Variants in THSD7B observed in about 807,000 individuals in gnomAD.
THSD7B encodes thrombospondin type 1 domain containing 7B, also known as thrombospondin type-1 domain-containing protein 7B.
In THSD7B, 138 loss-of-function variants were observed where a neutral mutation model predicts 213.6. The ratio of observed to expected loss-of-function variants is 0.65; its 90% CI spans 0.56 to 0.74. The LOEUF (loss-of-function observed/expected upper bound fraction) is 0.74. Ranked by LOEUF, THSD7B falls within the 30% of genes least tolerant of loss-of-function variation. The probability of loss-of-function intolerance (pLI) is 0.00; values close to 1 mark genes in which losing one functional copy is unlikely to be tolerated. For synonymous variants in THSD7B, 742 were observed against 687.0 expected (o/e 1.08, Z -1.25); for missense variants, 1,931 against 1,991.5 (o/e 0.97, Z 0.58).
intron 7 of THSD7B, among the ~76,000 whole-genome samples, chr2:137,189,882 A>T (rs182469406): frequency 1.3e-5 from 2 of 152,060 alleles, no homozygotes; most frequent in Non-Finnish European, 2.9e-5. Context: ...GCTCCTCAAA[A>T]ATAGAAACTG....
chr2:137,524,358 G>T (rs191284178), intron 15 of THSD7B, among the ~76,000 whole-genome samples: 1 of 152,182 alleles, frequency 6.6e-6, no homozygotes, highest in African/African-American at 2.4e-5. Context: ...CTGCTTGGCT[G>T]GCAGAGCACA....
rs146390842 is a variant in THSD7B at position 137,632,053 on chromosome 2, T to C, written c.3800-10435T>C. Among the ~76,000 whole-genome samples, 1,016 of 152,274 alleles carry C rather than the reference T, an allele frequency of 6.7e-3. 13 individuals are homozygous for C. The highest frequency in any genetic ancestry group is 0.019 in the South Asian group (91 of 4,822). On this transcript the variant is annotated intron_variant, in intron 20 of 27. Transcript: ENST00000409968. The stretch of plus-strand genomic sequence containing the variant: ...CTGAAGTAATCTGCCCAAGGTTACA[T>C]AGTTTGTCAGTTGTGGAGGATGGAT...
chr2:137,598,875 T>C (rs1682017880), intron 17 of THSD7B, among the ~76,000 whole-genome samples: 1 of 114,794 alleles, frequency 8.7e-6, no homozygotes, highest in Admixed American at 7.6e-5. Flanking sequence ...TTCATTTTGG[T>C]TCTTTTTTTT....
intron 2 of THSD7B, among the ~76,000 whole-genome samples, chr2:137,007,999 G>T (rs1046946474): frequency 6.6e-6 from 1 of 152,036 alleles, no homozygotes; most frequent in African/African-American, 2.4e-5. Flanking sequence ...TTAGTTGAGG[G>T]GGTCAGCTAT....
rs552968188 is a variant in THSD7B at position 137,647,689 on chromosome 2, A to G, written c.3945+5056A>G. Among the ~76,000 whole-genome samples the G allele has an allele frequency of 4.6e-5, 7 of 152,142 alleles. No individual in the cohort carries two copies. In the South Asian group the frequency reaches 1.0e-3, roughly 23 times the overall value. ...GAACTGGATCCTAGGAGTTGTTGACATTTAAGTGCCTCTCCTTTCTTTCCT... is the reference window on the plus strand; with the variant it reads ...GAACTGGATCCTAGGAGTTGTTGACGTTTAAGTGCCTCTCCTTTCTTTCCT... On this transcript the variant is annotated intron_variant, in intron 21 of 27. Coordinates refer to ENST00000409968, the MANE Select transcript of THSD7B (RefSeq NM_001316349.2).
chr2:137,130,032 G>A (rs1338603904), intron 5 of THSD7B, among the ~76,000 whole-genome samples: 1 of 152,088 alleles, frequency 6.6e-6, no homozygotes, highest in Non-Finnish European at 1.5e-5. Flanking sequence ...TCAGTAAATT[G>A]TCAATGCCAG....
intron 12 of THSD7B, among the ~76,000 whole-genome samples, chr2:137,337,263 G>A (rs1049625538): frequency 1.3e-4 from 20 of 151,898 alleles, no homozygotes; most frequent in African/African-American, 4.8e-4. Flanking sequence ...GCATTTAGTT[G>A]TCATGCATTC....
At chr2:136,789,368 T>C (rs969128912) in intron 1 of THSD7B, among the ~76,000 whole-genome samples, 1 of 152,082 alleles carries the variant, frequency 6.6e-6, no homozygotes, top group Admixed American at 6.6e-5. Context: ...ATAATAAATA[T>C]ACATGTTTTC....
chr2:137,579,591 G>A (rs188132576), intron 17 of THSD7B, among the ~76,000 whole-genome samples: 8 of 152,176 alleles, frequency 5.3e-5, no homozygotes, highest in African/African-American at 1.2e-4. Context: ...TAATATAGAC[G>A]GGTTAATTAC....
intron 2 of THSD7B, among the ~76,000 whole-genome samples, chr2:137,042,874 C>A (rs1686907235): frequency 6.6e-6 from 1 of 152,162 alleles, no homozygotes; most frequent in Non-Finnish European, 1.5e-5. Flanking sequence ...TTCTTCAATT[C>A]ACTTTTTTTG....
At chr2:136,769,423 G>C (rs1376793261) in intron 1 of THSD7B, among the ~76,000 whole-genome samples, 1 of 152,116 alleles carries the variant, frequency 6.6e-6, no homozygotes, top group East Asian at 1.9e-4. Context: ...TCAGATATTA[G>C]TGAAACCCAA....
chr2:137,496,178 A>G (rs1370553150), intron 15 of THSD7B, among the ~76,000 whole-genome samples: 1 of 152,146 alleles, frequency 6.6e-6, no homozygotes, highest in African/African-American at 2.4e-5. Flanking sequence ...TTTTAAAGCT[A>G]CCAAAGACTT....
chr2:137,658,299 C>T (rs1239110899), intron 24 of THSD7B, among the ~76,000 whole-genome samples: 4 of 152,180 alleles, frequency 2.6e-5, no homozygotes. Context: ...AGGCATCATA[C>T]TCTGCAATAC....
chr2:137,563,099 T>C, intron 15 of THSD7B, 122 bp from the exon 16 acceptor site: 1 of 1,027,852 alleles, frequency 9.7e-7, no homozygotes. Context: ...GAAAGTAATT[T>C]GGCTGTTTGG....
At chr2:137,449,093 T>C (rs1215619206) in intron 14 of THSD7B, among the ~76,000 whole-genome samples, 1 of 151,964 alleles carries the variant, frequency 6.6e-6, no homozygotes, top group Non-Finnish European at 1.5e-5. Flanking sequence ...AAAATGATCT[T>C]TTTTCCCCCC....
intron 12 of THSD7B, among the ~76,000 whole-genome samples, chr2:137,322,276 C>T (rs956447359): frequency 6.6e-5 from 10 of 152,130 alleles, no homozygotes; most frequent in Admixed American, 1.3e-4. Context: ...CTTTAGTTCC[C>T]GTCCCAGGTC....
At chr2:137,371,993 G>A (rs1025236542) in intron 12 of THSD7B, among the ~76,000 whole-genome samples, 7 of 151,936 alleles carry the variant, frequency 4.6e-5, no homozygotes, top group Admixed American at 2.0e-4. Context: ...GTAATCCTTC[G>A]GTTTCTGTTT....
chr2:137,102,653 AT>A (rs1688172706), intron 4 of THSD7B, among the ~76,000 whole-genome samples: 1 of 152,160 alleles, frequency 6.6e-6, no homozygotes. Context: ...GTTTAAAGGA[AT>A]CTCACTAACT....
At chr2:137,619,138 A>G (rs1022024241) in intron 19 of THSD7B, among the ~76,000 whole-genome samples, 10 of 152,206 alleles carry the variant, frequency 6.6e-5, no homozygotes, top group Non-Finnish European at 1.5e-4. Context: ...TTGCCAACAT[A>G]TAAATGAAAA....
Sources: allele counts gnomAD v4.1 joint callset (sites outside exome capture counted in the v4.1 genomes callset), GRCh38; gene constraint gnomAD v4.1.1; transcripts MANE v1.5; gene names NCBI Gene and HGNC (gene_info 2026-07-23, HGNC 2026-07-21).